TRDN: variants seen among roughly 807,000 people sequenced by gnomAD.
TRDN encodes triadin, also known as triadin in skeletal muscle.
Under a neutral mutation model 149.7 loss-of-function variants are expected in TRDN, and 161 were observed. The observed-to-expected ratio is 1.08, with a 90% CI of 0.95 to 1.23. The LOEUF (loss-of-function observed/expected upper bound fraction) is 1.23, where lower values mean the gene tolerates loss of function less well. Among genes scored for constraint, TRDN ranks in the 50% most tolerant of loss-of-function variants. TRDN has a pLI of 0.00. For synonymous variants in TRDN, 294 were observed against 250.5 expected, an observed-to-expected ratio of 1.17 and a Z score of -1.64; for missense variants, 896 against 823.5, an observed-to-expected ratio of 1.09 and a Z score of -1.08.
chr6:123,364,344 A>G (rs2114350977), intron 20 of TRDN, among the ~76,000 whole-genome samples: 1 of 152,330 alleles, frequency 6.6e-6, no homozygotes, highest in Non-Finnish European at 1.5e-5. Flanking sequence ...CTCTGTATAT[A>G]AAATCTAATT....
intron 9 of TRDN, among the ~76,000 whole-genome samples, chr6:123,477,482 C>T (rs1414720318): frequency 6.7e-6 from 1 of 148,164 alleles, no homozygotes; most frequent in African/African-American, 2.5e-5. Context: ...CTAGTTCAAC[C>T]ATTGTGGAAG....
chr6:123,263,814 AAAT>A (rs2114595336), intron 33 of TRDN, among the ~76,000 whole-genome samples: 1 of 152,168 alleles, frequency 6.6e-6, no homozygotes, highest in East Asian at 1.9e-4. Context: ...ACCATTCTGA[AAAT>A]TTTAGGTCCC....
chr6:123,556,779 C>G (rs1354336533), intron 2 of TRDN, among the ~76,000 whole-genome samples: 1 of 152,068 alleles, frequency 6.6e-6, no homozygotes, highest in African/African-American at 2.4e-5. Flanking sequence ...CTAGAGAGTT[C>G]TATGGTCTAA....
At chr6:123,345,136 A>G (rs146171589) in intron 21 of TRDN, among the ~76,000 whole-genome samples, 216 of 152,034 alleles carry the variant, frequency 1.4e-3, no homozygotes, top group Non-Finnish European at 2.6e-3. Context: ...GGACACCTAA[A>G]TCTTCTATGT....
Position 123,377,754 on chromosome 6 carries a change from A to C in TRDN, c.1220-12T>G, listed in dbSNP as rs771618616. 1 of 1,613,166 alleles carries C rather than the reference A, an allele frequency of 6.2e-7. No individual in the cohort carries two copies. Among genetic ancestry groups the C allele is most frequent in the Admixed American group, 1.7e-5 (1 of 59,962 alleles). Reference sequence around the variant, plus strand: ...CTTTGGTGACTTTGCTGTATCAAAAAGGAAAGAAAAAAAAATCAGCATTCT... The same window carrying C: ...CTTTGGTGACTTTGCTGTATCAAAACGGAAAGAAAAAAAAATCAGCATTCT... On this transcript the variant is annotated splice_polypyrimidine_tract_variant and intron_variant, in intron 17 of 40. Coordinates refer to ENST00000334268, the MANE Select transcript of TRDN (RefSeq NM_006073.4).
intron 24 of TRDN, among the ~76,000 whole-genome samples, chr6:123,307,761 T>C (rs191864754): frequency 5.9e-5 from 9 of 152,138 alleles, no homozygotes; most frequent in Admixed American, 3.9e-4. Flanking sequence ...TCCCTGATCT[T>C]TCTGGTAACA....
Position 123,271,196 on chromosome 6 carries a change from G to A in TRDN, c.1673-10C>T. 1 of 1,522,404 alleles carries A rather than the reference G, an allele frequency of 6.6e-7. No individual in the cohort carries two copies. The highest frequency in any genetic ancestry group is 8.8e-7 in the Non-Finnish European group (1 of 1,135,082). The allele number at this position is 1,522,404 out of a possible 1,614,324, so 94.3% of individuals were successfully genotyped here. A position where few individuals can be genotyped will look rare whatever the true frequency, so the allele number is the denominator to read the frequency against. On this transcript the variant is annotated splice_polypyrimidine_tract_variant and intron_variant, in intron 29 of 40. Transcript: ENST00000334268. ...TTGAGAACTTTTTCTTCTGTGATAG[G>A]AAAAAATGTTAACACAAGTAGGAAA... is the stretch of plus-strand genomic sequence containing the variant.
chr6:123,559,786 G>C (rs1393643279), intron 2 of TRDN, among the ~76,000 whole-genome samples: 1 of 152,120 alleles, frequency 6.6e-6, no homozygotes, highest in Non-Finnish European at 1.5e-5. Context: ...CAACCAAATT[G>C]TTTTGCCTAT....
At chr6:123,417,039 A>C (rs6901704) in intron 12 of TRDN, among the ~76,000 whole-genome samples, 59,437 of 152,038 alleles carry the variant, frequency 0.39, 12,016 homozygotes, top group Middle Eastern at 0.48. Flanking sequence ...GCATCTTTCT[A>C]ATGAAAGGAC....
intron 19 of TRDN, among the ~76,000 whole-genome samples, chr6:123,375,375 G>C (rs1473996916): frequency 6.6e-6 from 1 of 152,082 alleles, no homozygotes; most frequent in Non-Finnish European, 1.5e-5. Flanking sequence ...TCACAAAGGG[G>C]TTATGATGTG....
rs373336377 is a variant in TRDN, at chr6:123,586,303, G to A, written c.23-15171C>T. 1.0e-3 allele frequency among the ~76,000 whole-genome samples: 155 copies of A among 152,224 alleles called. 2 individuals are homozygous for A. The highest frequency in any genetic ancestry group is 6.4e-3 in the South Asian group (31 of 4,824). On this transcript the variant is annotated intron_variant, in intron 1 of 40. Transcript: ENST00000334268. Reference sequence around the variant, plus strand: ...TAAAAGGATTATAGGGTGGAGGACCGGAGGCTGAGGAAGAATTGGGACCTA... The same window carrying A: ...TAAAAGGATTATAGGGTGGAGGACCAGAGGCTGAGGAAGAATTGGGACCTA...
intron 20 of TRDN, among the ~76,000 whole-genome samples, chr6:123,358,893 C>T: frequency 6.7e-6 from 1 of 149,222 alleles, no homozygotes; most frequent in Admixed American, 6.6e-5. Flanking sequence ...TTGAAGTGTC[C>T]CTCATATGAC....
chr6:123,555,727 T>C (rs951561183), intron 2 of TRDN, among the ~76,000 whole-genome samples: 2 of 152,178 alleles, frequency 1.3e-5, no homozygotes, highest in African/African-American at 4.8e-5. Context: ...GATCCTCTTT[T>C]TATATTCACT....
At chr6:123,391,023 T>C (rs774219183) in intron 13 of TRDN, among the ~76,000 whole-genome samples, 13 of 152,172 alleles carry the variant, frequency 8.5e-5, no homozygotes, top group Middle Eastern at 6.8e-3. Context: ...TTTGGCATTT[T>C]AATATCACTA....
intron 10 of TRDN, among the ~76,000 whole-genome samples, chr6:123,446,572 C>A (rs1775377640): frequency 9.3e-6 from 1 of 107,286 alleles, no homozygotes; most frequent in Admixed American, 1.4e-4. Flanking sequence ...GCAACAGAGC[C>A]AGATTCCATC....
chr6:123,311,351 T>G (rs1488048021), intron 24 of TRDN, among the ~76,000 whole-genome samples: 2 of 151,770 alleles, frequency 1.3e-5, no homozygotes, highest in Non-Finnish European at 2.9e-5. Flanking sequence ...CCTCAACACA[T>G]GAGGATTATG....
chr6:123,396,779 C>A (rs1772749345), intron 12 of TRDN, among the ~76,000 whole-genome samples: 1 of 152,178 alleles, frequency 6.6e-6, no homozygotes, highest in East Asian at 1.9e-4. Context: ...TGTTAAAGAG[C>A]CAATTTTTGC....
chr6:123,544,721 G>T (rs1475724160), intron 4 of TRDN, among the ~76,000 whole-genome samples: 1 of 151,960 alleles, frequency 6.6e-6, no homozygotes, highest in African/African-American at 2.4e-5. Flanking sequence ...GTCTCATCAT[G>T]AAGTGTTTAG....
intron 12 of TRDN, among the ~76,000 whole-genome samples, chr6:123,420,889 T>A (rs953223338): frequency 6.6e-6 from 1 of 152,250 alleles, no homozygotes; most frequent in Admixed American, 6.5e-5. Context: ...AAAATGGTTT[T>A]TGGGTTCCCC....
Sources: allele counts gnomAD v4.1 joint callset (sites outside exome capture counted in the v4.1 genomes callset), GRCh38; gene constraint gnomAD v4.1.1; transcripts MANE v1.5; gene names NCBI Gene and HGNC (gene_info 2026-07-23, HGNC 2026-07-21).